MALRD1: variants seen among roughly 807,000 people sequenced by gnomAD.
MALRD1 encodes the protein MAM and LDL receptor class A domain containing 1, also known as MAM and LDL-receptor class A domain-containing protein 1.
MALRD1 carries 247 observed loss-of-function variants against 242.1 expected under a neutral mutation model. The observed-to-expected ratio is 1.02, with a 90% CI of 0.92 to 1.13. The LOEUF (loss-of-function observed/expected upper bound fraction) is 1.13. Among genes scored for constraint, MALRD1 ranks in the 50% most tolerant of loss-of-function variants. The pLI is 0.00. For missense variants in MALRD1, 2,989 were observed against 2,533.1 expected (o/e 1.18, Z -3.86); for synonymous variants, 995 against 866.6 (o/e 1.15, Z -2.60).
At chr10:19,360,928 A>G (rs80003679) in intron 26 of MALRD1, among the ~76,000 whole-genome samples, 229 of 151,964 alleles carry the variant, frequency 1.5e-3, no homozygotes, top group Middle Eastern at 3.4e-3. Context: ...TTTGAAATTC[A>G]TTCTTTCATA....
At chr10:19,540,527 T>C (rs1410060253) in intron 32 of MALRD1, among the ~76,000 whole-genome samples, 1 of 152,208 alleles carries the variant, frequency 6.6e-6, no homozygotes, top group Admixed American at 6.5e-5. Flanking sequence ...GCGTTGATAC[T>C]TATATTCACT....
chr10:19,132,867 A>G (rs1323329986), intron 8 of MALRD1, among the ~76,000 whole-genome samples: 2 of 152,212 alleles, frequency 1.3e-5, no homozygotes, highest in African/African-American at 4.8e-5. Flanking sequence ...TAAAAGCATC[A>G]ACATAAATCA....
At chr10:19,433,812 T>A (rs1282442364) in intron 28 of MALRD1, among the ~76,000 whole-genome samples, 3 of 152,004 alleles carry the variant, frequency 2.0e-5, no homozygotes, top group Admixed American at 2.0e-4. Flanking sequence ...AGGGTGAGAA[T>A]GTGTTTTCTA....
At chr10:19,270,842 A>ACACG (rs1380988363) in intron 19 of MALRD1, among the ~76,000 whole-genome samples, 1 of 149,630 alleles carries the variant, frequency 6.7e-6, no homozygotes, top group Admixed American at 6.7e-5. Flanking sequence ...ACACACACAC[A>ACACG]CGCACACACA....
At chr10:19,322,498 T>A (rs1842948126) in intron 21 of MALRD1, among the ~76,000 whole-genome samples, 1 of 152,208 alleles carries the variant, frequency 6.6e-6, no homozygotes, top group African/African-American at 2.4e-5. Context: ...TTACACATAT[T>A]TTATTTATGA....
At chr10:19,370,982 G>A (rs189238363) in intron 26 of MALRD1, among the ~76,000 whole-genome samples, 153 of 149,698 alleles carry the variant, frequency 1.0e-3, no homozygotes, top group African/African-American at 3.6e-3. Context: ...AAAATTTAGG[G>A]CTTTTTTTTT....
chr10:19,385,969 G>C (rs1374833007), intron 26 of MALRD1, among the ~76,000 whole-genome samples: 1 of 151,934 alleles, frequency 6.6e-6, no homozygotes, highest in African/African-American at 2.4e-5. Flanking sequence ...TTTTGTCATA[G>C]ACAGAGTCCA....
At chr10:19,557,995 A>G (rs1003009844) in intron 32 of MALRD1, among the ~76,000 whole-genome samples, 1 of 151,936 alleles carries the variant, frequency 6.6e-6, no homozygotes, top group Non-Finnish European at 1.5e-5. Context: ...ATAAATATAT[A>G]TTTCTTTTTT....
intron 24 of MALRD1, among the ~76,000 whole-genome samples, chr10:19,344,835 C>G (rs1591350): frequency 1.3e-5 from 2 of 151,682 alleles, no homozygotes; most frequent in Non-Finnish European, 2.9e-5. Flanking sequence ...GGTTTTCAGC[C>G]TACAAATTTT....
At chr10:19,524,407 G>A (rs1307165526) in intron 31 of MALRD1, among the ~76,000 whole-genome samples, 4 of 152,130 alleles carry the variant, frequency 2.6e-5, no homozygotes, top group African/African-American at 7.2e-5. Context: ...AACCCAAGAG[G>A]CGGAGGTTGC....
rs1564408038 is a variant in MALRD1, at chr10:19,125,345, C to CTT, written c.943+677_943+678dup. On this transcript the variant is annotated intron_variant, in intron 7 of 39. Coordinates refer to ENST00000454679, the MANE Select transcript of MALRD1 (RefSeq NM_001142308.3). ...TCCTTCTTTCTTTCTTTCTTTCTTT[C>CTT]TTTCTTTCTTTCTTTCTTTCTTTCT... 3.1e-5 allele frequency among the ~76,000 whole-genome samples: 3 copies of CTT among 96,816 alleles called. 1 individual carries two copies. The highest frequency in any genetic ancestry group is 1.3e-4 in the African/African-American group (3 of 23,302). 63.5% of individuals were successfully genotyped at this position (96,816 alleles called of 152,430 possible).
intron 1 of MALRD1, among the ~76,000 whole-genome samples, chr10:19,053,726 A>T (rs949448497): frequency 1.7e-4 from 26 of 152,120 alleles, no homozygotes; most frequent in African/African-American, 6.3e-4. Context: ...ACATCCTGTA[A>T]GTGAAGTTTA....
In MALRD1 at chr10:19,049,115, G is replaced by A. The variant is rs975515895; in HGVS notation, c.177G>A (p.Gly59=). The change falls in exon 1 of 40, where the codon GGG becomes GGA. Residue 59 remains glycine (G), a synonymous_variant. Transcript: ENST00000454679. Reference sequence around the variant, plus strand: ...TTTGTGACTTCACAGATCAGTGTGGGGATAGCAGTGATGAACGGCACTGTA... The same window carrying A: ...TTTGTGACTTCACAGATCAGTGTGGAGATAGCAGTGATGAACGGCACTGTA... The part of the protein sequence containing the change: ...DSICDFTDQC[G]DSSDERHCLN... 6.2e-5 allele frequency: 77 copies of A among 1,233,668 alleles called. No homozygotes were observed. Among genetic ancestry groups the A allele is most frequent in the Non-Finnish European group, 7.4e-5 (73 of 988,128 alleles). The allele number at this position is 1,233,668 out of a possible 1,614,324, so 76.4% of individuals were successfully genotyped here. A position where few individuals can be genotyped will look rare whatever the true frequency, so the allele number is the denominator to read the frequency against.
intron 19 of MALRD1, among the ~76,000 whole-genome samples, chr10:19,265,892 T>G (rs1839954497): frequency 6.6e-6 from 1 of 151,936 alleles, no homozygotes; most frequent in Non-Finnish European, 1.5e-5. Flanking sequence ...TACATTTGGG[T>G]TCTCTCATAT....
At chr10:19,618,295 C>T (rs1298951207) in intron 36 of MALRD1, among the ~76,000 whole-genome samples, 4 of 151,920 alleles carry the variant, frequency 2.6e-5, no homozygotes, top group African/African-American at 4.8e-5. Flanking sequence ...AGTGAACATA[C>T]GTATGGAGGT....
At chr10:19,489,867 T>C (rs1837405496) in intron 29 of MALRD1, among the ~76,000 whole-genome samples, 1 of 152,206 alleles carries the variant, frequency 6.6e-6, no homozygotes, top group Non-Finnish European at 1.5e-5. Context: ...GTCAGAATTG[T>C]GGGCACTGTG....
At chr10:19,265,718 A>C (rs958324136) in intron 19 of MALRD1, among the ~76,000 whole-genome samples, 1 of 152,046 alleles carries the variant, frequency 6.6e-6, no homozygotes, top group African/African-American at 2.4e-5. Flanking sequence ...TGTTTTGTAT[A>C]TGACTGTTAG....
At chr10:19,527,364 T>C (rs1834147759) in intron 31 of MALRD1, among the ~76,000 whole-genome samples, 1 of 152,136 alleles carries the variant, frequency 6.6e-6, no homozygotes, top group African/African-American at 2.4e-5. Context: ...TCTGAATTAG[T>C]GGAGTTTCAA....
intron 29 of MALRD1, among the ~76,000 whole-genome samples, chr10:19,488,159 A>G (rs1204981224): frequency 6.6e-6 from 1 of 152,218 alleles, no homozygotes; most frequent in Non-Finnish European, 1.5e-5. Flanking sequence ...ATTTGACTAC[A>G]TATCTGATGA....
Sources: gnomAD v4.1 joint callset for allele counts (sites outside exome capture counted in the v4.1 genomes callset) on GRCh38, gnomAD v4.1.1 for gene constraint, MANE v1.5 for transcripts, NCBI Gene and HGNC (gene_info 2026-07-23, HGNC 2026-07-21) for gene names.